GHR: variants seen among roughly 807,000 people sequenced by gnomAD.
GHR encodes the protein growth hormone receptor.
A neutral mutation model predicts 67.1 loss-of-function variants in GHR; 35 were observed. The observed-to-expected ratio is 0.52, with a 90% CI of 0.40 to 0.69. GHR has a LOEUF of 0.69. Among genes scored for constraint, GHR ranks in the 30% least tolerant of loss-of-function variants. GHR has a pLI of 0.00. For missense variants in GHR, 792 were observed against 764.6 expected (o/e 1.04, Z -0.42); for synonymous variants, 272 against 269.1 (o/e 1.01, Z -0.10).
At chr5:42,428,623 A>C (rs1446349983) in intron 1 of GHR, among the ~76,000 whole-genome samples, 1 of 152,158 alleles carries the variant, frequency 6.6e-6, no homozygotes, top group African/African-American at 2.4e-5. Flanking sequence ...TGCTGCTTCT[A>C]AATTTCTTCT....
chr5:42,623,348 A>G (rs980963906), intron 2 of GHR, among the ~76,000 whole-genome samples: 8 of 152,184 alleles, frequency 5.3e-5, no homozygotes, highest in Non-Finnish European at 1.2e-4. Flanking sequence ...CACCCCAAGC[A>G]TAGCAAATTA....
intron 3 of GHR, among the ~76,000 whole-genome samples, chr5:42,658,730 T>C: frequency 6.6e-6 from 1 of 152,058 alleles, no homozygotes; most frequent in South Asian, 2.1e-4. Context: ...TGGCATCTAG[T>C]AGGTAGAGAG....
chr5:42,609,043 T>C (rs115578353), intron 2 of GHR, among the ~76,000 whole-genome samples: 1 of 152,068 alleles, frequency 6.6e-6, no homozygotes, highest in Non-Finnish European at 1.5e-5. Context: ...TATGCAAAAA[T>C]GATGTAACCA....
Position 42,601,400 on chromosome 5 carries a change from T to TA in GHR, c.71-27637dup, listed in dbSNP as rs375415123. Among the ~76,000 whole-genome samples, 39 of 152,272 alleles carry TA rather than the reference T, an allele frequency of 2.6e-4. No homozygotes were observed. The East Asian group carries it at 6.5e-3, about 26-fold the overall frequency. ...CTAGTATAACTTTTTTGCTTTTTTT[T>TA]ATTTCATTTTAATCTGTTCATGAGG... On this transcript the variant is annotated intron_variant, in intron 2 of 9. Coordinates refer to ENST00000230882, the MANE Select transcript of GHR (RefSeq NM_000163.5).
At chr5:42,590,470 A>T (rs1328681181) in intron 2 of GHR, among the ~76,000 whole-genome samples, 1 of 152,190 alleles carries the variant, frequency 6.6e-6, no homozygotes, top group African/African-American at 2.4e-5. Flanking sequence ...TGTGGGGAAG[A>T]CTGCTGTGTT....
chr5:42,433,381 A>T (rs940146373), intron 1 of GHR, among the ~76,000 whole-genome samples: 34 of 152,166 alleles, frequency 2.2e-4, no homozygotes, highest in Non-Finnish European at 2.4e-4. Flanking sequence ...AGCCTACAGG[A>T]TGTAAGTCTG....
chr5:42,430,303 TC>T (rs1266807009), intron 1 of GHR, among the ~76,000 whole-genome samples: 1 of 152,064 alleles, frequency 6.6e-6, no homozygotes, highest in African/African-American at 2.4e-5. Flanking sequence ...AATTGTGAAT[TC>T]CCCTTGCCAC....
At chr5:42,523,799 G>T (rs952593716) in intron 1 of GHR, among the ~76,000 whole-genome samples, 3 of 152,132 alleles carry the variant, frequency 2.0e-5, no homozygotes, top group African/African-American at 7.2e-5. Flanking sequence ...AGGCACCCAG[G>T]GGGTGGTAAT....
chr5:42,579,455 G>A (rs1303944727), intron 2 of GHR, among the ~76,000 whole-genome samples: 2 of 152,176 alleles, frequency 1.3e-5, no homozygotes, highest in Admixed American at 1.3e-4. Context: ...GTACTCAGAG[G>A]CTGATTAGGA....
intron 1 of GHR, chr5:42,565,538 T>G (rs1329157247): frequency 1.0e-6 from 1 of 985,284 alleles, no homozygotes; most frequent in East Asian, 1.1e-4. Context: ...AAAGCAAACC[T>G]TACTGGCCCT....
chr5:42,465,843 TAATC>T, intron 1 of GHR: 1 of 759,364 alleles, frequency 1.3e-6, no homozygotes, highest in South Asian at 1.4e-5. Flanking sequence ...GGTCGGTCAA[TAATC>T]AGTCTATCAA....
intron 2 of GHR, among the ~76,000 whole-genome samples, chr5:42,608,466 T>C (rs145543328): frequency 3.3e-5 from 5 of 152,090 alleles, no homozygotes; most frequent in African/African-American, 9.7e-5. Context: ...GAAAGTATAG[T>C]GTATATTGTA....
At position 42,721,652 on chromosome 5, in the gene GHR, T is replaced by C. The variant is rs1759028432; in HGVS notation, c.*2228T>C. The C allele has an allele frequency of 6.6e-6, 1 of 152,658 alleles. No homozygotes were observed. The highest frequency in any genetic ancestry group is 2.1e-4 in the South Asian group (1 of 4,828). The allele number at this position is 152,658 out of a possible 1,614,324, so 9.5% of individuals were successfully genotyped here. ...TCACAACAGCCTGACAACATTTCTA[T>C]AGCCAAAAATAGCTAAATACCTCAA... is the stretch of plus-strand genomic sequence containing the variant. On this transcript the variant is annotated 3_prime_UTR_variant, in exon 10 of 10. Coordinates refer to ENST00000230882, the MANE Select transcript of GHR (RefSeq NM_000163.5).
In GHR at chr5:42,718,914, A is replaced by C. The variant is rs372110592; in HGVS notation, c.1407A>C (p.Gln469His). 3.7e-6 allele frequency: 6 copies of C among 1,614,040 alleles called. No homozygotes were observed. The African/African-American group carries it at 4.0e-5, about 11-fold the overall frequency. Residue 469 changes from glutamine (Q) to histidine (H), a missense_variant, in exon 10 of 10, where the codon CAA (glutamine) becomes CAC (histidine). Physicochemically the swap from Gln to His is conservative, Grantham distance 24. Coordinates refer to ENST00000230882, the MANE Select transcript of GHR (RefSeq NM_000163.5). Reference protein sequence around the residue: ...LPTEGAESTHQAAHIQLSNPS... With the variant: ...LPTEGAESTHHAAHIQLSNPS... ...CTGAAGGAGCTGAGTCAACTCACCA[A>C]GCTGCCCATATTCAGCTAAGCAATC... is the stretch of plus-strand genomic sequence containing the variant.
At chr5:42,718,332 T>TA (rs1554040881) in intron 9 of GHR, 121 bp from the exon 10 acceptor site, 2 of 811,956 alleles carry the variant, frequency 2.5e-6, no homozygotes, top group East Asian at 2.5e-5. Context: ...TATGTTTTTT[T>TA]ATATGTTTTG....
At chr5:42,440,755 T>G (rs1256793890) in intron 1 of GHR, among the ~76,000 whole-genome samples, 1 of 152,182 alleles carries the variant, frequency 6.6e-6, no homozygotes, top group Non-Finnish European at 1.5e-5. Flanking sequence ...AGGGTGATGA[T>G]GCTGAAGATT....
At chr5:42,586,461 C>A (rs1223262771) in intron 2 of GHR, among the ~76,000 whole-genome samples, 1 of 152,102 alleles carries the variant, frequency 6.6e-6, no homozygotes, top group Admixed American at 6.5e-5. Flanking sequence ...ATGGGTAATT[C>A]TTCTGGAAGA....
intron 1 of GHR, among the ~76,000 whole-genome samples, chr5:42,452,598 AT>A (rs1308851258): frequency 6.6e-6 from 1 of 152,110 alleles, no homozygotes; most frequent in East Asian, 1.9e-4. Context: ...ATTTTTAAAA[AT>A]TCTTTTTTCT....
At chr5:42,671,641 T>A (rs1390291110) in intron 3 of GHR, among the ~76,000 whole-genome samples, 3 of 136,716 alleles carry the variant, frequency 2.2e-5, no homozygotes, top group Non-Finnish European at 3.1e-5. Context: ...CCCTTCATGT[T>A]AAAAAAAAAA....
Sources: gnomAD v4.1 joint callset for allele counts (sites outside exome capture counted in the v4.1 genomes callset) on GRCh38, gnomAD v4.1.1 for gene constraint, MANE v1.5 for transcripts, NCBI Gene and HGNC (gene_info 2026-07-23, HGNC 2026-07-21) for gene names.